TBC1D4: variants seen among roughly 807,000 people sequenced by gnomAD.
The protein encoded by TBC1D4 is TBC (Tre-2, BUB2, CDC16) domain-containing protein.
In TBC1D4, 121 loss-of-function variants were observed where a neutral mutation model predicts 142.5. The ratio of observed to expected loss-of-function variants is 0.85; its 90% CI spans 0.73 to 0.99. TBC1D4 has a LOEUF of 0.99. TBC1D4 is among the 50% of genes least tolerant of loss of function. The pLI, the probability that TBC1D4 is intolerant of heterozygous loss-of-function variation, is 0.00. For missense variants in TBC1D4, 1,475 were observed against 1,606.6 expected (o/e 0.92, Z 1.40); for synonymous variants, 630 against 628.2 (o/e 1.00, Z -0.04).
At chr13:75,412,541 G>A (rs1885723809) in intron 1 of TBC1D4, among the ~76,000 whole-genome samples, 1 of 152,112 alleles carries the variant, frequency 6.6e-6, no homozygotes, top group Admixed American at 6.5e-5. Flanking sequence ...CTGGGCTCAA[G>A]CAATCCTCCC....
chr13:75,367,378 A>G (rs1882977349), intron 1 of TBC1D4, among the ~76,000 whole-genome samples: 1 of 152,208 alleles, frequency 6.6e-6, no homozygotes, highest in African/African-American at 2.4e-5. Flanking sequence ...GATATGACGG[A>G]TATCAGCGTG....
At chr13:75,402,440 A>C (rs1313302026) in intron 1 of TBC1D4, among the ~76,000 whole-genome samples, 1 of 152,130 alleles carries the variant, frequency 6.6e-6, no homozygotes, top group Non-Finnish European at 1.5e-5. Flanking sequence ...TATAAGAACT[A>C]ACCAAGGTTT....
intron 1 of TBC1D4, among the ~76,000 whole-genome samples, chr13:75,444,183 G>T (rs549864776): frequency 2.0e-5 from 3 of 152,290 alleles, no homozygotes; most frequent in East Asian, 3.9e-4. Flanking sequence ...GCGCAGTCAG[G>T]TGTCATCATA....
intron 1 of TBC1D4, among the ~76,000 whole-genome samples, chr13:75,461,573 G>A (rs1887967459): frequency 6.6e-6 from 1 of 152,194 alleles, no homozygotes; most frequent in Non-Finnish European, 1.5e-5. Flanking sequence ...TGAAAGCAAT[G>A]TTTAACTTGA....
rs1321742010 is a variant in TBC1D4, at chr13:75,286,799, T to G, written c.3890A>C (p.Lys1297Thr). 6.2e-7 allele frequency: 1 copy of G among 1,613,548 alleles called. No homozygotes were observed. Among genetic ancestry groups the G allele is most frequent in the Non-Finnish European group, 8.5e-7 (1 of 1,179,824 alleles). The change falls in exon 21 of 21, where the codon AAG (lysine) becomes ACG (threonine). Residue 1297 changes from lysine to threonine, a missense_variant. Coordinates refer to ENST00000377636, the MANE Select transcript of TBC1D4 (RefSeq NM_014832.5). ...NPNNKAKIGN[K>T]P ...GAGGCCGTGCCTCTTCAATTATGGC[T>G]TATTTCCTATCTTGGCTTTGTTGTT...
In TBC1D4 at chr13:75,327,763, C is replaced by T. The variant is rs762833715; in HGVS notation, c.1795G>A (p.Ala599Thr). ...VDSFERSNSL[A>T]SEKDYSPGDS... ...CTCTAGTTAGATACCTTCTCTGAAG[C>T]AAGACTGTTGGACCGTTCAAAACTG... The change falls in exon 9 of 21, where the codon GCT (alanine) becomes ACT (threonine). Residue 599 changes from alanine (A) to threonine (T), a missense_variant. Around this residue, in one of 2 missense-constraint regions of TBC1D4, gnomAD observed 1,227 missense variants for 1,267.7 expected, o/e 0.97. Coordinates refer to ENST00000377636, the MANE Select transcript of TBC1D4 (RefSeq NM_014832.5). 2 of 1,614,008 alleles carry T rather than the reference C, an allele frequency of 1.2e-6. No homozygotes were observed. The highest frequency in any genetic ancestry group is 2.2e-5 in the South Asian group (2 of 91,076).
chr13:75,386,391 TC>T (rs1254500222), intron 1 of TBC1D4, among the ~76,000 whole-genome samples: 4,226 of 125,740 alleles, frequency 0.034, 187 homozygotes, highest in African/African-American at 0.1. Context: ...TTTTTCTTTT[TC>T]TTTTTTTTTT....
At chr13:75,304,541 TAATA>T (rs1449678379) in intron 15 of TBC1D4, among the ~76,000 whole-genome samples, 24 of 152,138 alleles carry the variant, frequency 1.6e-4, no homozygotes, top group African/African-American at 5.6e-4. Flanking sequence ...TGATTAAGTA[TAATA>T]AATCACGAAA....
In TBC1D4 at chr13:75,286,882, C is replaced by T. The variant is rs1391548126; in HGVS notation, c.3807G>A (p.Leu1269=). Residue 1269 remains leucine, a synonymous_variant, in exon 21 of 21, where the codon CTG becomes CTA. Transcript: ENST00000377636. The stretch of plus-strand genomic sequence containing the variant: ...CACAATTGACTAGAGCATCCGCGGG[C>T]AGCAGCTTCCGGAGTTGCTCCACTG... ...QKTVEQLRKL[L]PADALVNCDL... is the part of the protein sequence containing the mutation. The T allele has an allele frequency of 6.2e-7, 1 of 1,613,880 alleles. No individual in the cohort carries two copies. The highest frequency in any genetic ancestry group is 1.3e-5 in the African/African-American group (1 of 74,908).
At chr13:75,434,205 G>T (rs1476217531) in intron 1 of TBC1D4, among the ~76,000 whole-genome samples, 1 of 152,130 alleles carries the variant, frequency 6.6e-6, no homozygotes, top group African/African-American at 2.4e-5. Flanking sequence ...AAAGACACAT[G>T]CAGGCAATGT....
chr13:75,315,000 T>A (rs1181414274), intron 12 of TBC1D4, among the ~76,000 whole-genome samples: 2 of 145,594 alleles, frequency 1.4e-5, no homozygotes, highest in Non-Finnish European at 3.0e-5. Flanking sequence ...TATAATTAAA[T>A]TTTTTTTTTA....
intron 1 of TBC1D4, among the ~76,000 whole-genome samples, chr13:75,455,754 C>CA (rs1887707088): frequency 6.6e-6 from 1 of 151,920 alleles, no homozygotes; most frequent in Admixed American, 6.6e-5. Context: ...ATGATATAGT[C>CA]AAAAAACCGA....
intron 1 of TBC1D4, among the ~76,000 whole-genome samples, chr13:75,433,029 G>A (rs557295789): frequency 6.6e-6 from 1 of 151,248 alleles, no homozygotes; most frequent in East Asian, 1.9e-4. Flanking sequence ...ATAACTGAAA[G>A]GAAAAAAAAA....
intron 5 of TBC1D4, among the ~76,000 whole-genome samples, chr13:75,343,108 T>C (rs1194034098): frequency 6.6e-6 from 1 of 152,252 alleles, no homozygotes; most frequent in Non-Finnish European, 1.5e-5. Flanking sequence ...TTGTGCACTT[T>C]TCTCATTGTA....
At chr13:75,291,739 C>T (rs1384016549) in intron 19 of TBC1D4, among the ~76,000 whole-genome samples, 1 of 152,152 alleles carries the variant, frequency 6.6e-6, no homozygotes, top group Non-Finnish European at 1.5e-5. Context: ...AATTCCAAAG[C>T]CTGTACTCCT....
intron 1 of TBC1D4, among the ~76,000 whole-genome samples, chr13:75,393,979 A>T (rs147811216): frequency 0.019 from 2,913 of 152,146 alleles, 40 homozygotes; most frequent in Middle Eastern, 0.051. Context: ...AGTAATACAG[A>T]TATTTATTTT....
intron 1 of TBC1D4, among the ~76,000 whole-genome samples, chr13:75,413,425 G>C (rs900509118): frequency 5.3e-5 from 8 of 152,338 alleles, no homozygotes; most frequent in South Asian, 4.1e-4. Flanking sequence ...CTCCCAAAGT[G>C]CTGGGATTAC....
intron 1 of TBC1D4, among the ~76,000 whole-genome samples, chr13:75,461,671 T>C (rs1316529643): frequency 1.3e-5 from 2 of 152,238 alleles, no homozygotes; most frequent in Non-Finnish European, 2.9e-5. Flanking sequence ...ATTGAGTTCT[T>C]CATTTCCTAC....
intron 16 of TBC1D4, 147 bp from the exon 17 acceptor site, chr13:75,299,721 A>G: frequency 1.0e-6 from 1 of 985,910 alleles, no homozygotes; most frequent in Non-Finnish European, 1.5e-6. Context: ...TGTAACTAAG[A>G]GTCTCTCCCT....
Sources: allele counts gnomAD v4.1 joint callset (sites outside exome capture counted in the v4.1 genomes callset), GRCh38; gene constraint gnomAD v4.1.1; regional missense constraint gnomAD v4.1.1; transcripts MANE v1.5; gene names NCBI Gene and HGNC (gene_info 2026-07-23, HGNC 2026-07-21).